The following TRRAP variants were observed in gnomAD, a reference collection of about 807,000 sequenced individuals.
TRRAP encodes transformation/transcription domain associated protein, also known as transformation/transcription domain-associated protein.
TRRAP carries 41 observed loss-of-function variants against 438.8 expected under a neutral mutation model. That is an observed-to-expected ratio of 0.09 (90% confidence interval 0.07 to 0.12). The LOEUF (loss-of-function observed/expected upper bound fraction) is 0.12. Among genes scored for constraint, TRRAP ranks in the 10% least tolerant of loss-of-function variants. The pLI is 1.00. For missense variants in TRRAP, 3,122 were observed against 5,055.1 expected (o/e 0.62, Z 11.60); for synonymous variants, 1,994 against 1,962.9 (o/e 1.02, Z -0.42).
At chr7:98,899,641 A>T (rs1554406321) in intron 9 of TRRAP, 38 bp from the exon 10 acceptor site, 2 of 1,612,066 alleles carry the variant, frequency 1.2e-6, no homozygotes, top group Non-Finnish European at 1.7e-6. Context: ...GCCATAGCAG[A>T]GTGTCAATGT....
chr7:98,911,058 C>CT lies in TRRAP; in HGVS notation c.1813-13dup, dbSNP rs782396246. The CT allele has an allele frequency of 6.2e-7, 1 of 1,607,084 alleles. No individual in the cohort carries two copies. The highest frequency in any genetic ancestry group is 2.2e-5 in the East Asian group (1 of 44,784). ...GTTCAGTTTTAATGCCTGTGGGCGGCTTTTTTCCCCTGTATTAGGTCCAGA... is the reference window on the plus strand; with the variant it reads ...GTTCAGTTTTAATGCCTGTGGGCGGCTTTTTTTCCCCTGTATTAGGTCCAGA... On this transcript the variant is annotated intron_variant, in intron 16 of 72. Coordinates refer to ENST00000456197, the MANE Select transcript of TRRAP (RefSeq NM_001375524.1).
intron 13 of TRRAP, among the ~76,000 whole-genome samples, chr7:98,907,780 G>A (rs1224872125): frequency 3.4e-5 from 5 of 146,704 alleles, no homozygotes; most frequent in Admixed American, 6.8e-5. Context: ...GCAGCACGCC[G>A]CCCCCTACAG....
At chr7:98,889,273 A>C (rs1295329604) in intron 3 of TRRAP, among the ~76,000 whole-genome samples, 1 of 152,134 alleles carries the variant, frequency 6.6e-6, no homozygotes, top group Non-Finnish European at 1.5e-5. Flanking sequence ...CTAAATGAGA[A>C]AGACTAAAAG....
chr7:98,937,321 CACAT>C (rs781792883), intron 29 of TRRAP, 44 bp downstream of exon 29: 7 of 1,591,046 alleles, frequency 4.4e-6, no homozygotes, highest in South Asian at 3.4e-5. Context: ...TGTGTGCACA[CACAT>C]GTGTGTGTAC....
Position 98,899,459 on chromosome 7 carries a change from T to C in TRRAP, c.671T>C (p.Val224Ala), listed in dbSNP as rs1796373382. The C allele has an allele frequency of 3.1e-6, 5 of 1,614,078 alleles. No homozygotes were observed. Among genetic ancestry groups the C allele is most frequent in the African/African-American group, 1.3e-5 (1 of 74,912 alleles). Residue 224 changes from valine to alanine, a missense_variant, in exon 9 of 73, where the codon GTG (valine) becomes GCG (alanine). Transcript: ENST00000456197. ...CCGAGGGGATCACTTTCTCTGAAAGTGTTGGCAGAATTGCCCATTATTGTT... is the reference window on the plus strand; with the variant it reads ...CCGAGGGGATCACTTTCTCTGAAAGCGTTGGCAGAATTGCCCATTATTGTT... Reference protein sequence around the residue: ...IIPRGSLSLKVLAELPIIVVL... With the variant: ...IIPRGSLSLKALAELPIIVVL...
In TRRAP at chr7:98,930,921, C is replaced by T. The variant is rs1790296212; in HGVS notation, c.3591+91C>T. On this transcript the variant is annotated intron_variant, in intron 25 of 72. Transcript: ENST00000456197. ...TATAAGATCCTTCTGCAAATATGCTCTCCTAGCAGCATGGTGACTTTGATA... is the reference window on the plus strand; with the variant it reads ...TATAAGATCCTTCTGCAAATATGCTTTCCTAGCAGCATGGTGACTTTGATA... The T allele has an allele frequency of 2.0e-6, 3 of 1,483,626 alleles. No homozygotes were observed. The East Asian group carries it at 7.0e-5, about 35-fold the overall frequency. The allele number at this position is 1,483,626 out of a possible 1,614,324, so 91.9% of individuals were successfully genotyped here. A position where few individuals can be genotyped will look rare whatever the true frequency, so the allele number is the denominator to read the frequency against.
chr7:98,958,881 G>C (rs940837481), intron 44 of TRRAP, among the ~76,000 whole-genome samples: 1 of 152,076 alleles, frequency 6.6e-6, no homozygotes, highest in African/African-American at 2.4e-5. Context: ...TATCTTAATA[G>C]AATTTTTGGA....
Position 98,976,215 on chromosome 7 carries a change from T to G in TRRAP, c.7906T>G (p.Trp2636Gly). Residue 2636 changes from tryptophan (W) to glycine (G), a missense_variant, in exon 54 of 73, where the codon TGG (tryptophan) becomes GGG (glycine). Coordinates refer to ENST00000456197, the MANE Select transcript of TRRAP (RefSeq NM_001375524.1). This position sits in a 1 kb window ranked among gnomAD's most constrained non-coding sequence, Gnocchi z 4.6. ...TTCCACGACGCTGGCAGAGAAGACG[T>G]GGGTCCAGCTTTTCCCCAGATTGTG... The part of the protein sequence containing the change: ...HISTTLAEKT[W>G]VQLFPRLWKI... The G allele has an allele frequency of 6.2e-7, 1 of 1,614,180 alleles. No individual in the cohort carries two copies. Among genetic ancestry groups the G allele is most frequent in the Non-Finnish European group, 8.5e-7 (1 of 1,180,018 alleles).
chr7:98,922,786 C>T (rs1789859638), intron 21 of TRRAP, among the ~76,000 whole-genome samples: 1 of 152,108 alleles, frequency 6.6e-6, no homozygotes, highest in Admixed American at 6.6e-5. Flanking sequence ...CAGCCAGCAT[C>T]GTGTGGCCTG....
intron 51 of TRRAP, among the ~76,000 whole-genome samples, chr7:98,969,578 G>A (rs41643): frequency 0.093 from 14,136 of 152,310 alleles, 729 homozygotes; most frequent in East Asian, 0.25. Flanking sequence ...GCCCAAGATG[G>A]CAAGAGTGTC....
At chr7:99,010,951 C>A in intron 70 of TRRAP, 101 bp from the exon 71 acceptor site, 2 of 1,202,450 alleles carry the variant, frequency 1.7e-6, no homozygotes, top group Non-Finnish European at 2.4e-6. Context: ...ACAGAATTTG[C>A]TCTTGGTGCT....
chr7:98,988,724 A>G lies in TRRAP; in HGVS notation c.9390-41A>G, dbSNP rs80161268. On this transcript the variant is annotated intron_variant, in intron 62 of 72. Transcript: ENST00000456197. The stretch of plus-strand genomic sequence containing the variant: ...TTCAGATTACGTGAAGCTCGCTTCA[A>G]TTGAAAACCATACACGTTTTGGTTT... The G allele has an allele frequency of 1.6e-3, 2,542 of 1,604,374 alleles. 20 individuals are homozygous for G. In the African/African-American group the frequency reaches 0.026, roughly 17 times the overall value.
At position 98,929,432 on chromosome 7, in the gene TRRAP, T is replaced by C. The variant is rs574944854; in HGVS notation, c.3176-557T>C. Among the ~76,000 whole-genome samples, 23 of 152,296 alleles carry C rather than the reference T, an allele frequency of 1.5e-4. 1 individual carries two copies. The highest frequency in any genetic ancestry group is 7.7e-4 in the East Asian group (4 of 5,186). ...CTGTGGTTCTCATTTTGAACTAATA[T>C]ATTTTTGAGTTATGATTGAGATACA... On this transcript the variant is annotated intron_variant, in intron 23 of 72. Coordinates refer to ENST00000456197, the MANE Select transcript of TRRAP (RefSeq NM_001375524.1).
At chr7:98,917,800 A>G in intron 20 of TRRAP, 121 bp downstream of exon 20, 1 of 1,327,510 alleles carries the variant, frequency 7.5e-7, no homozygotes, top group Non-Finnish European at 1.0e-6. Context: ...TGTTTAATTC[A>G]TCTTCGTGAG....
intron 23 of TRRAP, among the ~76,000 whole-genome samples, chr7:98,928,758 T>A (rs1295331897): frequency 6.6e-6 from 1 of 151,184 alleles, no homozygotes; most frequent in African/African-American, 2.4e-5. Context: ...TTTTCTTTAT[T>A]TTTTTTTTAA....
chr7:98,881,590 G>T, intron 2 of TRRAP: 3 of 251,932 alleles, frequency 1.2e-5, no homozygotes, highest in Non-Finnish European at 2.2e-5. Context: ...AAAAAAAAGA[G>T]AAATGCATAA....
chr7:98,989,996 G>A (rs1793321792), intron 63 of TRRAP, among the ~76,000 whole-genome samples: 1 of 152,218 alleles, frequency 6.6e-6, no homozygotes, highest in Admixed American at 6.5e-5. Context: ...GGGAGGCCAA[G>A]GTGGGTGGAT....
At position 98,970,265 on chromosome 7, in the gene TRRAP, C is replaced by T; in HGVS notation, c.7666C>T (p.Arg2556Trp). ...ACATGTCAAGCAGGAGCCCCGGGAGCGGGAGAACAGCGAGTCCAAAGAGGA... is the reference window on the plus strand; with the variant it reads ...ACATGTCAAGCAGGAGCCCCGGGAGTGGGAGAACAGCGAGTCCAAAGAGGA... The part of the protein sequence containing the change: ...VTHVKQEPRE[R>W]ENSESKEEDV... The change falls in exon 52 of 73, where the codon CGG becomes TGG. Residue 2556 changes from arginine (R) to tryptophan (W), a missense_variant. This residue lies in a region of TRRAP where 992 missense variants were observed against 1,281.2 expected (regional missense o/e 0.77). Transcript: ENST00000456197. 3 of 1,612,956 alleles carry T rather than the reference C, an allele frequency of 1.9e-6. No individual in the cohort carries two copies. The highest frequency in any genetic ancestry group is 2.5e-6 in the Non-Finnish European group (3 of 1,179,992).
chr7:98,949,366 T>G (rs376586986), intron 35 of TRRAP, 51 bp from the exon 36 acceptor site: 1 of 1,442,828 alleles, frequency 6.9e-7, no homozygotes, highest in Admixed American at 2.7e-5. Context: ...CCTCTAACTT[T>G]CTGTGAGTTT....
Sources: allele counts gnomAD v4.1 joint callset (sites outside exome capture counted in the v4.1 genomes callset), GRCh38; gene constraint gnomAD v4.1.1; regional missense constraint gnomAD v4.1.1; non-coding constraint Gnocchi (gnomAD v3.1); transcripts MANE v1.5; gene names NCBI Gene and HGNC (gene_info 2026-07-23, HGNC 2026-07-21).